The following MAP2 variants were observed in gnomAD, a reference collection of about 807,000 sequenced individuals.
MAP2 encodes the protein microtubule-associated protein 2.
A neutral mutation model predicts 137.6 loss-of-function variants in MAP2; 14 were observed. That is an observed-to-expected ratio of 0.10 (90% CI 0.07 to 0.16). The LOEUF is 0.16. MAP2 is among the 10% of genes least tolerant of loss of function. The probability of loss-of-function intolerance (pLI) is 1.00; values close to 1 mark genes in which losing one functional copy is unlikely to be tolerated. For synonymous variants in MAP2, 786 were observed against 782.3 expected, an observed-to-expected ratio of 1.00 and a Z score of -0.08; for missense variants, 2,088 against 2,191.5, an observed-to-expected ratio of 0.95 and a Z score of 0.94.
chr2:209,567,486 T>C (rs546909517), intron 2 of MAP2, among the ~76,000 whole-genome samples: 2 of 152,124 alleles, frequency 1.3e-5, no homozygotes, highest in East Asian at 3.9e-4. Flanking sequence ...AGGTCAGTGG[T>C]CCTGGGGGTG....
chr2:209,534,838 C>T (rs2065702896), intron 2 of MAP2, among the ~76,000 whole-genome samples: 1 of 152,126 alleles, frequency 6.6e-6, no homozygotes, highest in Non-Finnish European at 1.5e-5. Flanking sequence ...CATGAAATTT[C>T]AAGGTCATGT....
At chr2:209,726,460 T>G (rs2074036610) in intron 14 of MAP2, among the ~76,000 whole-genome samples, 2 of 152,176 alleles carry the variant, frequency 1.3e-5, no homozygotes, top group South Asian at 4.1e-4. Flanking sequence ...ATGTTTTTGT[T>G]AAATTCTACC....
intron 3 of MAP2, among the ~76,000 whole-genome samples, chr2:209,584,926 G>A (rs2077336265): frequency 6.6e-6 from 1 of 152,118 alleles, no homozygotes; most frequent in Non-Finnish European, 1.5e-5. Flanking sequence ...GCTACACGAG[G>A]AAAGAGTCCT....
At chr2:209,604,734 C>T (rs1317642816) in intron 3 of MAP2, among the ~76,000 whole-genome samples, 1 of 152,024 alleles carries the variant, frequency 6.6e-6, no homozygotes, top group Non-Finnish European at 1.5e-5. Context: ...TCTTTTATTG[C>T]TTAAGCAAGA....
intron 10 of MAP2, 64 bp downstream of exon 10, chr2:209,697,115 T>C: frequency 1.4e-6 from 2 of 1,447,246 alleles, no homozygotes; most frequent in Non-Finnish European, 1.8e-6. Context: ...TTAAATCTCA[T>C]TACTGTAGCA....
chr2:209,690,761 G>A, intron 7 of MAP2: 1 of 1,289,808 alleles, frequency 7.8e-7, no homozygotes, highest in Non-Finnish European at 1.0e-6. Flanking sequence ...CGAAGAGAGT[G>A]CCCCAGCAGG....
intron 2 of MAP2, among the ~76,000 whole-genome samples, chr2:209,530,387 G>A (rs1184851996): frequency 6.6e-6 from 1 of 152,140 alleles, no homozygotes; most frequent in Non-Finnish European, 1.5e-5. Flanking sequence ...TTAAGAAGAA[G>A]GAGAGAATTG....
At position 209,679,701 on chromosome 2, in the gene MAP2, T is replaced by G. The variant is rs115515316; in HGVS notation, c.376+1016T>G. The stretch of plus-strand genomic sequence containing the variant: ...CACTCAGTATTTTCAGTACTGTGGG[T>G]TTTTTTAATTATTAAGGACTATTTT... On this transcript the variant is annotated intron_variant, in intron 6 of 15. Transcript: ENST00000682079. Among the ~76,000 whole-genome samples the G allele has an allele frequency of 7.8e-3, 1,192 of 152,126 alleles. 6 individuals are homozygous for G. The highest frequency in any genetic ancestry group is 0.012 in the Non-Finnish European group (834 of 67,962).
At position 209,732,085 on chromosome 2, in the gene MAP2, T is replaced by A. The variant is rs1340853486; in HGVS notation, c.*1688T>A. Reference sequence around the variant, plus strand: ...ACTTTTTAAAAATTTTATCTGTTCTTTTTCTTGCTCAGGGCTGGTAGGTTG... The same window carrying A: ...ACTTTTTAAAAATTTTATCTGTTCTATTTCTTGCTCAGGGCTGGTAGGTTG... On this transcript the variant is annotated 3_prime_UTR_variant, in exon 16 of 16. Transcript: ENST00000682079. The A allele has an allele frequency of 6.6e-6, 1 of 152,236 alleles. No homozygotes were observed. Among genetic ancestry groups the A allele is most frequent in the African/African-American group, 2.4e-5 (1 of 41,454 alleles). The allele number at this position is 152,236 out of a possible 1,614,324, so 9.4% of individuals were successfully genotyped here.
intron 1 of MAP2, among the ~76,000 whole-genome samples, chr2:209,446,882 G>A (rs1386851858): frequency 6.6e-6 from 1 of 151,760 alleles, no homozygotes; most frequent in African/African-American, 2.4e-5. Context: ...ATTAAAGAGT[G>A]GTATTAGTTT....
At chr2:209,638,023 T>C (rs2093705605) in intron 4 of MAP2, among the ~76,000 whole-genome samples, 1 of 152,176 alleles carries the variant, frequency 6.6e-6, no homozygotes, top group Non-Finnish European at 1.5e-5. Context: ...GGAATATTTG[T>C]CTTTGCAGAA....
chr2:209,581,136 C>G (rs2076320840), intron 3 of MAP2, among the ~76,000 whole-genome samples: 1 of 152,114 alleles, frequency 6.6e-6, no homozygotes, highest in African/African-American at 2.4e-5. Context: ...ATATTTGTAG[C>G]AGGTGAAGGA....
chr2:209,649,206 G>C (rs2094613253), intron 4 of MAP2, among the ~76,000 whole-genome samples: 1 of 151,630 alleles, frequency 6.6e-6, no homozygotes, highest in Non-Finnish European at 1.5e-5. Flanking sequence ...TGTAGAGATG[G>C]GGGTCTCACT....
intron 3 of MAP2, among the ~76,000 whole-genome samples, chr2:209,609,623 G>A (rs1036498881): frequency 2.0e-5 from 3 of 152,104 alleles, no homozygotes; most frequent in African/African-American, 4.8e-5. Flanking sequence ...ACTTAGCATC[G>A]TATTTTCAGT....
chr2:209,637,092 G>T lies in MAP2; in HGVS notation c.-30+11963G>T, dbSNP rs1265198161. On this transcript the variant is annotated intron_variant, in intron 4 of 15. Transcript: ENST00000682079. ...TACCTGAATAGTATTCTCTACAAGCGAGTGTACTGCTGCTGTATTCTGCTT... is the reference window on the plus strand; with the variant it reads ...TACCTGAATAGTATTCTCTACAAGCTAGTGTACTGCTGCTGTATTCTGCTT... Among the ~76,000 whole-genome samples, 7 of 152,056 alleles carry T rather than the reference G, an allele frequency of 4.6e-5. 1 individual carries two copies. Among genetic ancestry groups the T allele is most frequent in the Admixed American group, 2.6e-4 (4 of 15,240 alleles).
chr2:209,468,108 A>G (rs940627593), intron 1 of MAP2, among the ~76,000 whole-genome samples: 1 of 146,878 alleles, frequency 6.8e-6, no homozygotes, highest in African/African-American at 2.5e-5. Flanking sequence ...TTTTTTTTTC[A>G]TTGTATTTCC....
At chr2:209,553,018 GT>G (rs539544337) in intron 2 of MAP2, among the ~76,000 whole-genome samples, 16 of 145,756 alleles carry the variant, frequency 1.1e-4, no homozygotes, top group Non-Finnish European at 9.1e-5. Context: ...TTTTGTTGTT[GT>G]TTTTTTTTTT....
chr2:209,650,315 A>C (rs1274751472), intron 4 of MAP2, among the ~76,000 whole-genome samples: 1 of 152,218 alleles, frequency 6.6e-6, no homozygotes, highest in Non-Finnish European at 1.5e-5. Flanking sequence ...TGTTTTGCAC[A>C]TCACTGCCTT....
At chr2:209,564,679 C>A (rs1363198337) in intron 2 of MAP2, among the ~76,000 whole-genome samples, 2 of 151,636 alleles carry the variant, frequency 1.3e-5, no homozygotes, top group African/African-American at 4.9e-5. Context: ...TATTTCATAA[C>A]CTGTTATGGT....
Sources: allele counts gnomAD v4.1 joint callset (sites outside exome capture counted in the v4.1 genomes callset), GRCh38; gene constraint gnomAD v4.1.1; transcripts MANE v1.5; gene names NCBI Gene and HGNC (gene_info 2026-07-23, HGNC 2026-07-21).